Variants in PRELID2 observed in about 807,000 individuals in gnomAD.
PRELID2 encodes the protein PRELI domain-containing protein 2.
In PRELID2, 25 loss-of-function variants were observed where a neutral mutation model predicts 28.4. The ratio of observed to expected loss-of-function variants is 0.88; its 90% CI spans 0.64 to 1.23. The LOEUF is 1.23. PRELID2 is among the 50% of genes most tolerant of loss of function. The pLI is 0.00. For missense variants in PRELID2, 201 were observed against 214.4 expected (o/e 0.94, Z 0.39); for synonymous variants, 76 against 71.6 (o/e 1.06, Z -0.31).
At chr5:145,388,646 CTTTT>C in the PRELID2 span, among the ~76,000 whole-genome samples, 1 of 152,100 alleles carries the variant, frequency 6.6e-6, no homozygotes, top group Non-Finnish European at 1.5e-5. Context: ...AGCACATTGG[CTTTT>C]TTCTGTTTTA....
the PRELID2 span, among the ~76,000 whole-genome samples, chr5:145,311,283 C>G: frequency 0.43 from 64,665 of 152,058 alleles, 14,522 homozygotes; most frequent in African/African-American, 0.58. Flanking sequence ...GAGTGCAGCT[C>G]GCACTGGTTG....
At chr5:145,370,194 G>T in the PRELID2 span, among the ~76,000 whole-genome samples, 1 of 151,954 alleles carries the variant, frequency 6.6e-6, no homozygotes, top group African/African-American at 2.4e-5. Context: ...AAGCCTTTGC[G>T]CATGCCTATG....
At chr5:145,561,550 A>C (rs1012564216) in intron 1 of PRELID2, among the ~76,000 whole-genome samples, 4 of 152,242 alleles carry the variant, frequency 2.6e-5, no homozygotes, top group Admixed American at 2.0e-4. Context: ...GCCAGTTTGA[A>C]CAGGAAGGCA....
At chr5:145,308,729 C>T in the PRELID2 span, among the ~76,000 whole-genome samples, 1 of 152,016 alleles carries the variant, frequency 6.6e-6, no homozygotes, top group East Asian at 1.9e-4. Context: ...TAGATAATGA[C>T]ATATATTTTC....
the PRELID2 span, among the ~76,000 whole-genome samples, chr5:145,234,670 T>C: frequency 6.6e-6 from 1 of 152,174 alleles, no homozygotes; most frequent in South Asian, 2.1e-4. Context: ...AATTCATTTA[T>C]GCCATCTATT....
Position 145,641,641 on chromosome 5 carries a change from T to C in PRELID2, n.70+123290A>G, listed in dbSNP as rs184289146. ...CCAATCTCCTACATTAGGTATTTCT[T>C]CTAATGCTATCCCTCCCCAAGCCCC... On this transcript the variant is annotated intron_variant and non_coding_transcript_variant, in intron 1 of 2. Coordinates refer to the PRELID2 transcript ENST00000510259. 4.1e-4 allele frequency among the ~76,000 whole-genome samples: 62 copies of C among 152,242 alleles called. 1 individual carries two copies. The Middle Eastern group carries it at 0.014, about 33-fold the overall frequency.
At chr5:145,373,823 T>A in the PRELID2 span, among the ~76,000 whole-genome samples, 237 of 93,216 alleles carry the variant, frequency 2.5e-3, 1 homozygote, top group Admixed American at 0.011. Flanking sequence ...TATATGATAT[T>A]ATATATTACA....
Position 145,756,627 on chromosome 5 carries a change from A to C in PRELID2, c.*3909T>G, listed in dbSNP as rs182369645. Reference sequence around the variant, plus strand: ...GCGAGTTCACAAATATGACAACTGCAGATGAGGATAAAGAAGTAAGTTAGG... The same window carrying C: ...GCGAGTTCACAAATATGACAACTGCCGATGAGGATAAAGAAGTAAGTTAGG... On this transcript the variant is annotated 3_prime_UTR_variant, in exon 7 of 7. Coordinates refer to ENST00000683046, the MANE Select transcript of PRELID2 (RefSeq NM_205846.3). Among the ~76,000 whole-genome samples the C allele has an allele frequency of 2.0e-5, 3 of 152,384 alleles. No individual in the cohort carries two copies. The highest frequency in any genetic ancestry group is 1.9e-4 in the East Asian group (1 of 5,188).
At chr5:145,584,069 T>C (rs1167970817) in intron 1 of PRELID2, among the ~76,000 whole-genome samples, 1 of 152,102 alleles carries the variant, frequency 6.6e-6, no homozygotes, top group African/African-American at 2.4e-5. Flanking sequence ...CAAAACAGCA[T>C]GGTGCTGGTA....
the PRELID2 span, among the ~76,000 whole-genome samples, chr5:145,233,954 C>G: frequency 6.6e-6 from 1 of 152,104 alleles, no homozygotes; most frequent in African/African-American, 2.4e-5. Context: ...GTTTACCAAC[C>G]ACACTGCTTT....
At chr5:145,796,355 T>A in intron 5 of PRELID2, 87 bp downstream of exon 5, 1 of 703,554 alleles carries the variant, frequency 1.4e-6, no homozygotes, top group Non-Finnish European at 2.4e-6. Flanking sequence ...TCTCATTATG[T>A]CTGCTCATGA....
the PRELID2 span, among the ~76,000 whole-genome samples, chr5:145,413,247 TA>T: frequency 6.6e-6 from 1 of 152,146 alleles, no homozygotes; most frequent in African/African-American, 2.4e-5. Context: ...TCAACATCAC[TA>T]ATGATCAAGG....
At chr5:145,267,483 A>G in the PRELID2 span, among the ~76,000 whole-genome samples, 2 of 151,896 alleles carry the variant, frequency 1.3e-5, no homozygotes, top group Admixed American at 1.3e-4. Context: ...CAAATGACAG[A>G]CTCTCATTCT....
chr5:145,521,189 T>C (rs984197545), intron 1 of PRELID2, among the ~76,000 whole-genome samples: 2 of 152,210 alleles, frequency 1.3e-5, no homozygotes, highest in African/African-American at 4.8e-5. Flanking sequence ...AGTCATTCTT[T>C]TGTGGCATAT....
intron 1 of PRELID2, among the ~76,000 whole-genome samples, chr5:145,604,194 G>A (rs1982070): frequency 6.6e-6 from 1 of 151,700 alleles, no homozygotes; most frequent in Non-Finnish European, 1.5e-5. Context: ...ATTTTATCAC[G>A]CAGGTAATAA....
At chr5:145,350,746 G>A in the PRELID2 span, among the ~76,000 whole-genome samples, 3 of 152,128 alleles carry the variant, frequency 2.0e-5, no homozygotes, top group Non-Finnish European at 2.9e-5. Flanking sequence ...TTCAGGGGCT[G>A]GACTCCTATA....
intron 1 of PRELID2, among the ~76,000 whole-genome samples, chr5:145,567,442 A>G (rs1752976798): frequency 6.6e-6 from 1 of 152,072 alleles, no homozygotes. Flanking sequence ...CAGTGGTGTG[A>G]TCTCAGCTCA....
At chr5:145,293,349 T>A in the PRELID2 span, among the ~76,000 whole-genome samples, 110 of 152,326 alleles carry the variant, frequency 7.2e-4, no homozygotes, top group African/African-American at 2.6e-3. Context: ...AAATGTCTAA[T>A]TTGTTTAGAA....
At chr5:145,614,466 C>A (rs113415211) in intron 1 of PRELID2, among the ~76,000 whole-genome samples, 3,467 of 152,272 alleles carry the variant, frequency 0.023, 137 homozygotes, top group African/African-American at 0.078. Context: ...GGATGCATTT[C>A]CATTTGCTCG....
Sources: gnomAD v4.1 joint callset for allele counts (sites outside exome capture counted in the v4.1 genomes callset) on GRCh38, gnomAD v4.1.1 for gene constraint, MANE v1.5 for transcripts, NCBI Gene and HGNC (gene_info 2026-07-23, HGNC 2026-07-21) for gene names.